PDK1: variants seen among roughly 807,000 people sequenced by gnomAD.
PDK1 encodes the protein pyruvate dehydrogenase kinase 1.
A neutral mutation model predicts 54.2 loss-of-function variants in PDK1; 39 were observed. The observed-to-expected ratio is 0.72, with a 90% CI of 0.56 to 0.94. The LOEUF (loss-of-function observed/expected upper bound fraction) is 0.94, where lower values mean the gene tolerates loss of function less well. PDK1 is among the 40% of genes least tolerant of loss of function. The pLI is 0.00. For missense variants in PDK1, 552 were observed against 566.0 expected, an observed-to-expected ratio of 0.98 and a Z score of 0.25; for synonymous variants, 221 against 207.1, an observed-to-expected ratio of 1.07 and a Z score of -0.58.
the PDK1 span, among the ~76,000 whole-genome samples, chr2:172,669,302 C>T: frequency 6.6e-6 from 1 of 152,034 alleles, no homozygotes; most frequent in African/African-American, 2.4e-5. Context: ...CCGCCTTGGC[C>T]TCCCAAAGTG....
intron 8 of PDK1, among the ~76,000 whole-genome samples, chr2:172,573,826 G>A (rs1412464297): frequency 6.6e-6 from 1 of 152,018 alleles, no homozygotes; most frequent in Non-Finnish European, 1.5e-5. Context: ...ATGGGGTCTT[G>A]CTATGTTGCC....
chr2:172,621,892 ATGTATGATATATGTTTATATCTCC>A, the PDK1 span, among the ~76,000 whole-genome samples: 7 of 133,588 alleles, frequency 5.2e-5, no homozygotes, highest in Admixed American at 7.8e-5. Flanking sequence ...TATATCTCAT[ATGTATGATATATGTTTATATCTCC>A]TATATGATAT....
chr2:172,614,454 G>C, the PDK1 span, among the ~76,000 whole-genome samples: 4 of 152,328 alleles, frequency 2.6e-5, no homozygotes, highest in African/African-American at 9.6e-5. Flanking sequence ...AGGATGACGG[G>C]ATGACCAGCT....
chr2:172,643,973 A>G, the PDK1 span, among the ~76,000 whole-genome samples: 1 of 152,188 alleles, frequency 6.6e-6, no homozygotes, highest in African/African-American at 2.4e-5. Flanking sequence ...ACCCACAGTG[A>G]CTCATGTGTT....
chr2:172,602,049 A>G lies in PDK1; in HGVS notation c.*6080A>G, dbSNP rs180802204. 1.4e-4 allele frequency: 21 copies of G among 152,308 alleles called. No individual in the cohort carries two copies. The East Asian group carries it at 3.9e-3, about 28-fold the overall frequency. The allele number at this position is 152,308 out of a possible 1,614,324, so 9.4% of individuals were successfully genotyped here. ...CACAAGTCCACCTCGCCAAAAGACA[A>G]TTTTTGAAAGATGAATGTTACCAAA... On this transcript the variant is annotated 3_prime_UTR_variant, in exon 11 of 11. Coordinates refer to ENST00000282077, the MANE Select transcript of PDK1 (RefSeq NM_002610.5).
At chr2:172,687,771 T>G in the PDK1 span, among the ~76,000 whole-genome samples, 1 of 152,194 alleles carries the variant, frequency 6.6e-6, no homozygotes, top group Non-Finnish European at 1.5e-5. Context: ...TTCACACATA[T>G]TCCTCTCTGC....
At chr2:172,652,251 T>C in the PDK1 span, among the ~76,000 whole-genome samples, 1 of 152,330 alleles carries the variant, frequency 6.6e-6, no homozygotes, top group Non-Finnish European at 1.5e-5. Flanking sequence ...AGAAAAGGCC[T>C]TTGAGAAAAT....
chr2:172,622,898 A>G, the PDK1 span, among the ~76,000 whole-genome samples: 4 of 147,836 alleles, frequency 2.7e-5, no homozygotes, highest in African/African-American at 7.4e-5. Flanking sequence ...TATATGTAAT[A>G]TAATATAATA....
chr2:172,609,543 A>G (rs765915665), downstream of PDK1, among the ~76,000 whole-genome samples: 4 of 152,250 alleles, frequency 2.6e-5, no homozygotes, highest in African/African-American at 4.8e-5. Flanking sequence ...ACTGCACTCA[A>G]TAAAATAAAG....
chr2:172,634,768 A>C, the PDK1 span, among the ~76,000 whole-genome samples: 1 of 82,714 alleles, frequency 1.2e-5, no homozygotes. Flanking sequence ...CTATTCTTAA[A>C]ATGCAAAAAA....
At chr2:172,709,645 C>T in the PDK1 span, among the ~76,000 whole-genome samples, 11 of 152,186 alleles carry the variant, frequency 7.2e-5, no homozygotes, top group African/African-American at 2.2e-4. Flanking sequence ...AGCAGTCACC[C>T]AACGGCACAA....
At chr2:172,620,189 T>A in the PDK1 span, among the ~76,000 whole-genome samples, 3 of 152,328 alleles carry the variant, frequency 2.0e-5, no homozygotes, top group South Asian at 2.1e-4. Context: ...AAAACTCATT[T>A]ATTTTTTTGA....
chr2:172,671,464 T>C, the PDK1 span, among the ~76,000 whole-genome samples: 1 of 135,282 alleles, frequency 7.4e-6, no homozygotes, highest in African/African-American at 2.5e-5. Context: ...AAGTTAATGC[T>C]TTTTTTTTAA....
At chr2:172,700,948 C>T in the PDK1 span, among the ~76,000 whole-genome samples, 1 of 151,972 alleles carries the variant, frequency 6.6e-6, no homozygotes, top group Non-Finnish European at 1.5e-5. Flanking sequence ...GTCCAGATGG[C>T]GGCAGTACAG....
chr2:172,706,317 T>C, the PDK1 span, among the ~76,000 whole-genome samples: 1 of 152,196 alleles, frequency 6.6e-6, no homozygotes, highest in Non-Finnish European at 1.5e-5. Flanking sequence ...TCTAGTGTGT[T>C]TGTAATTGCT....
chr2:172,624,632 A>G, the PDK1 span, among the ~76,000 whole-genome samples: 2 of 152,208 alleles, frequency 1.3e-5, no homozygotes, highest in Admixed American at 1.3e-4. Flanking sequence ...CTGGGGTCCC[A>G]TCCTTGCCAC....
downstream of PDK1, among the ~76,000 whole-genome samples, chr2:172,611,703 A>G (rs1288088489): frequency 6.6e-6 from 1 of 152,256 alleles, no homozygotes; most frequent in African/African-American, 2.4e-5. Context: ...TGTCATGACC[A>G]AATGTGATTT....
the PDK1 span, among the ~76,000 whole-genome samples, chr2:172,654,638 A>G: frequency 6.6e-6 from 1 of 152,166 alleles, no homozygotes; most frequent in African/African-American, 2.4e-5. Context: ...GAGGAATAGC[A>G]TTAGGAGGTA....
chr2:172,643,381 T>G, the PDK1 span, among the ~76,000 whole-genome samples: 26 of 152,300 alleles, frequency 1.7e-4, no homozygotes, highest in Middle Eastern at 6.8e-3. Flanking sequence ...AGGAAGAGCA[T>G]ACTCACCATC....
Sources: gnomAD v4.1 joint callset for allele counts (sites outside exome capture counted in the v4.1 genomes callset) on GRCh38, gnomAD v4.1.1 for gene constraint, MANE v1.5 for transcripts, NCBI Gene and HGNC (gene_info 2026-07-23, HGNC 2026-07-21) for gene names.